NRARP: variants seen among roughly 807,000 people sequenced by gnomAD.
NRARP encodes NOTCH regulated ankyrin repeat protein, also known as notch-regulated ankyrin repeat-containing protein.
For missense variants in NRARP, 83 were observed against 161.1 expected (o/e 0.52, Z 2.62); for synonymous variants, 81 against 77.4 (o/e 1.05, Z -0.25).
Position 137,301,932 on chromosome 9 carries a change from G to A in NRARP, c.-4C>T. The A allele has an allele frequency of 7.5e-7, 1 of 1,340,266 alleles. No homozygotes were observed. 83.0% of individuals were successfully genotyped at this position (1,340,266 alleles called of 1,614,324 possible). On this transcript the variant is annotated 5_prime_UTR_variant, in exon 1 of 1. Transcript: ENST00000356628. The surrounding 1 kb of genome is among the most constrained non-coding windows in gnomAD (Gnocchi z 9.1). ...TGGACAGCTCGGCCTGGCTCATGCT[G>A]CCGCCGGGCGCGGGCCGCGGGCCGG...
chr9:137,301,604 A>T lies in NRARP; in HGVS notation c.325T>A (p.Tyr109Asn). Residue 109 changes from tyrosine (Y) to asparagine (N), a missense_variant, in exon 1 of 1, where the codon TAC becomes AAC. Tyr to Asn is a moderately radical substitution (Grantham distance 143, BLOSUM62 -2). Transcript: ENST00000356628. The surrounding 1 kb of genome is among the most constrained non-coding windows in gnomAD (Gnocchi z 9.1). ...IVLYLITKAK[Y>N]AASGR ...GGGCATCACCGGCCGCTGGCCGCGTACTTCGCCTTGGTGATGAGATAGAGC... is the reference window on the plus strand; with the variant it reads ...GGGCATCACCGGCCGCTGGCCGCGTTCTTCGCCTTGGTGATGAGATAGAGC... The T allele has an allele frequency of 6.3e-7, 1 of 1,585,886 alleles. No homozygotes were observed. Among genetic ancestry groups the T allele is most frequent in the Non-Finnish European group, 8.6e-7 (1 of 1,162,394 alleles).
rs867173923 is a variant in NRARP at position 137,301,206 on chromosome 9, G to T, written c.*378C>A. 6.6e-6 allele frequency: 1 copy of T among 152,022 alleles called. No individual in the cohort carries two copies. The highest frequency in any genetic ancestry group is 1.5e-5 in the Non-Finnish European group (1 of 67,960). The allele number at this position is 152,022 out of a possible 1,614,324, so 9.4% of individuals were successfully genotyped here. On this transcript the variant is annotated 3_prime_UTR_variant, in exon 1 of 1. Transcript: ENST00000356628. The surrounding 1 kb of genome is among the most constrained non-coding windows in gnomAD (Gnocchi z 9.1). ...TCCGAGTCCGCCTTCGGCTCCCGCC[G>T]CCCGCCTTTCACCTTCGGGAGAAAA...
rs1468100182 is a variant in NRARP at position 137,301,970 on chromosome 9, C to T, written c.-42G>A. On this transcript the variant is annotated 5_prime_UTR_variant, in exon 1 of 1. Coordinates refer to ENST00000356628, the MANE Select transcript of NRARP (RefSeq NM_001004354.3). This position sits in a 1 kb window ranked among gnomAD's most constrained non-coding sequence, Gnocchi z 9.1. ...GGCCGCGGGCCGGGCCGGGGCTCAGCGCGGGCGGCGGCTGCGGCGCGGGCC... is the reference window on the plus strand; with the variant it reads ...GGCCGCGGGCCGGGCCGGGGCTCAGTGCGGGCGGCGGCTGCGGCGCGGGCC... 6.2e-6 allele frequency: 6 copies of T among 967,704 alleles called. No homozygotes were observed. The highest frequency in any genetic ancestry group is 7.5e-6 in the Non-Finnish European group (6 of 802,264). 59.9% of individuals were successfully genotyped at this position (967,704 alleles called of 1,614,324 possible). A position where few individuals can be genotyped will look rare whatever the true frequency, so the allele number is the denominator to read the frequency against.
Position 137,299,641 on chromosome 9 carries a change from CTTT to C in NRARP, c.*1940_*1942del, listed in dbSNP as rs916237196. Among the ~76,000 whole-genome samples the C allele has an allele frequency of 9.9e-5, 15 of 152,042 alleles. No homozygotes were observed. Among genetic ancestry groups the C allele is most frequent in the Admixed American group, 4.6e-4 (7 of 15,250 alleles). ...GCCAAAGCCAAGAAGGACCAAGAAA[CTTT>C]TTTTTAATATAAAAAGATCAATGAA... is the stretch of plus-strand genomic sequence containing the variant. On this transcript the variant is annotated 3_prime_UTR_variant, in exon 1 of 1. Coordinates refer to ENST00000356628, the MANE Select transcript of NRARP (RefSeq NM_001004354.3).
rs1447658438 is a variant in NRARP at position 137,301,106 on chromosome 9, G to A, written c.*478C>T. 1 of 152,090 alleles carries A rather than the reference G, an allele frequency of 6.6e-6. No individual in the cohort carries two copies. The highest frequency in any genetic ancestry group is 2.4e-5 in the African/African-American group (1 of 41,442). The allele number at this position is 152,090 out of a possible 1,614,324, so 9.4% of individuals were successfully genotyped here. ...CAGCGGCGCGGACCTCGGACCTCGG[G>A]GCTGCTCCTCGGCTGCAGCCGGCAT... On this transcript the variant is annotated 3_prime_UTR_variant, in exon 1 of 1. Coordinates refer to ENST00000356628, the MANE Select transcript of NRARP (RefSeq NM_001004354.3). The surrounding 1 kb of genome is among the most constrained non-coding windows in gnomAD (Gnocchi z 9.1).
rs1352979848 is a variant in NRARP at position 137,300,499 on chromosome 9, TTC to T, written c.*1083_*1084del. ...GCTTAAAATATGTTAATATTTTATA[TTC>T]TGTCATAAATGTTATGACATTTAAT... On this transcript the variant is annotated 3_prime_UTR_variant, in exon 1 of 1. Coordinates refer to ENST00000356628, the MANE Select transcript of NRARP (RefSeq NM_001004354.3). 6.6e-6 allele frequency: 1 copy of T among 152,418 alleles called. No homozygotes were observed. The highest frequency in any genetic ancestry group is 1.9e-4 in the East Asian group (1 of 5,206). The allele number at this position is 152,418 out of a possible 1,614,324, so 9.4% of individuals were successfully genotyped here.
rs570006022 is a variant in NRARP at position 137,301,329 on chromosome 9, C to T, written c.*255G>A. 2 of 168,074 alleles carry T rather than the reference C, an allele frequency of 1.2e-5. No homozygotes were observed. The highest frequency in any genetic ancestry group is 2.5e-5 in the Non-Finnish European group (2 of 78,886). The allele number at this position is 168,074 out of a possible 1,614,324, so 10.4% of individuals were successfully genotyped here. ...CTGGAGCCCGCGCCCCGCCCCCACC[C>T]GCGAGGCGGCGGGCAGGCGAGCGGG... On this transcript the variant is annotated 3_prime_UTR_variant, in exon 1 of 1. Transcript: ENST00000356628. This position sits in a 1 kb window ranked among gnomAD's most constrained non-coding sequence, Gnocchi z 9.1.
Position 137,300,940 on chromosome 9 carries a change from C to G in NRARP, c.*644G>C, listed in dbSNP as rs920857299. On this transcript the variant is annotated 3_prime_UTR_variant, in exon 1 of 1. Transcript: ENST00000356628. Reference sequence around the variant, plus strand: ...ACTAGAAAAAAATGCATCACTCCCCCCCATAACCACATTGACCACGCAGTG... The same window carrying G: ...ACTAGAAAAAAATGCATCACTCCCCGCCATAACCACATTGACCACGCAGTG... 1 of 152,352 alleles carries G rather than the reference C, an allele frequency of 6.6e-6. No homozygotes were observed. Among genetic ancestry groups the G allele is most frequent in the Non-Finnish European group, 1.5e-5 (1 of 68,042 alleles). The allele number at this position is 152,352 out of a possible 1,614,324, so 9.4% of individuals were successfully genotyped here. A position where few individuals can be genotyped will look rare whatever the true frequency, so the allele number is the denominator to read the frequency against.
rs1277498953 is a variant in NRARP, at chr9:137,302,084, G to C, written c.-156C>G. ...GCCTCTGGGCGCTCCGGGCGCTCGG[G>C]GCCGGGGGTCGCCGCCGCGGGGACC... is the stretch of plus-strand genomic sequence containing the variant. On this transcript the variant is annotated 5_prime_UTR_variant, in exon 1 of 1. Coordinates refer to ENST00000356628, the MANE Select transcript of NRARP (RefSeq NM_001004354.3). The surrounding 1 kb of genome is among the most constrained non-coding windows in gnomAD (Gnocchi z 4.8). The C allele has an allele frequency of 6.2e-6, 1 of 161,138 alleles. No homozygotes were observed. The highest frequency in any genetic ancestry group is 1.3e-5 in the Non-Finnish European group (1 of 79,828). 10.0% of individuals were successfully genotyped at this position (161,138 alleles called of 1,614,324 possible).
chr9:137,299,881 T>C lies in NRARP; in HGVS notation c.*1703A>G, dbSNP rs1344318811. ...CAGAAGAACTCCTTGTGGAGTAATCTGTGCCTCCATTTCAATGTCTGCTTG... is the reference window on the plus strand; with the variant it reads ...CAGAAGAACTCCTTGTGGAGTAATCCGTGCCTCCATTTCAATGTCTGCTTG... On this transcript the variant is annotated 3_prime_UTR_variant, in exon 1 of 1. Coordinates refer to ENST00000356628, the MANE Select transcript of NRARP (RefSeq NM_001004354.3). 6.6e-6 allele frequency among the ~76,000 whole-genome samples: 1 copy of C among 152,228 alleles called. No individual in the cohort carries two copies. Among genetic ancestry groups the C allele is most frequent in the African/African-American group, 2.4e-5 (1 of 41,458 alleles).
Position 137,301,994 on chromosome 9 carries a change from C to A in NRARP, c.-66G>T, listed in dbSNP as rs1372589887. The A allele has an allele frequency of 4.2e-6, 3 of 719,012 alleles. No homozygotes were observed. The African/African-American group carries it at 5.8e-5, about 14-fold the overall frequency. 44.5% of individuals were successfully genotyped at this position (719,012 alleles called of 1,614,324 possible). A position where few individuals can be genotyped will look rare whatever the true frequency, so the allele number is the denominator to read the frequency against. ...GCGCGGGCGGCGGCTGCGGCGCGGG[C>A]CCCCGGCTGTCTCGGGGCGCGCCTC... On this transcript the variant is annotated 5_prime_UTR_variant, in exon 1 of 1. Coordinates refer to ENST00000356628, the MANE Select transcript of NRARP (RefSeq NM_001004354.3). The surrounding 1 kb of genome is among the most constrained non-coding windows in gnomAD (Gnocchi z 9.1).
In NRARP at chr9:137,301,508, G is replaced by T; in HGVS notation, c.*76C>A. ...CTGGCGGGGCCTGCGAGCCGGGCGC[G>T]CACCGAGGTAGTTGGCGGGAAGGTA... On this transcript the variant is annotated 3_prime_UTR_variant, in exon 1 of 1. Coordinates refer to ENST00000356628, the MANE Select transcript of NRARP (RefSeq NM_001004354.3). This position sits in a 1 kb window ranked among gnomAD's most constrained non-coding sequence, Gnocchi z 9.1. 9.9e-7 allele frequency: 1 copy of T among 1,007,556 alleles called. No homozygotes were observed. Among genetic ancestry groups the T allele is most frequent in the Non-Finnish European group, 1.4e-6 (1 of 723,618 alleles). 62.4% of individuals were successfully genotyped at this position (1,007,556 alleles called of 1,614,324 possible). A position where few individuals can be genotyped will look rare whatever the true frequency, so the allele number is the denominator to read the frequency against.
At position 137,300,134 on chromosome 9, in the gene NRARP, G is replaced by A. The variant is rs777495220; in HGVS notation, c.*1450C>T. Among the ~76,000 whole-genome samples, 17 of 152,124 alleles carry A rather than the reference G, an allele frequency of 1.1e-4. No homozygotes were observed. Among genetic ancestry groups the A allele is most frequent in the Non-Finnish European group, 2.1e-4 (14 of 68,022 alleles). On this transcript the variant is annotated 3_prime_UTR_variant, in exon 1 of 1. Transcript: ENST00000356628. ...TTTCTCAGGATCAAAACAACAAGGG[G>A]TGTGGGGCTGCATAGAAAATTGGAG... is the stretch of plus-strand genomic sequence containing the variant.
Position 137,301,780 on chromosome 9 carries a change from T to C in NRARP, c.149A>G (p.Glu50Gly). ...CGACTGGTGCAGCGCCGTCTGGCCC[T>C]CGGGCCCGAACGAGTTCACGTTGAA... The part of the protein sequence containing the change: ...CEFNVNSFGP[E>G]GQTALHQSVI... Residue 50 changes from glutamate (E) to glycine (G), a missense_variant, in exon 1 of 1, where the codon GAG (glutamate) becomes GGG (glycine). Transcript: ENST00000356628. This position sits in a 1 kb window ranked among gnomAD's most constrained non-coding sequence, Gnocchi z 9.1. 1 of 1,609,298 alleles carries C rather than the reference T, an allele frequency of 6.2e-7. No individual in the cohort carries two copies. The highest frequency in any genetic ancestry group is 8.5e-7 in the Non-Finnish European group (1 of 1,179,608).
In NRARP at chr9:137,299,960, C is replaced by G. The variant is rs116113799; in HGVS notation, c.*1624G>C. ...TCACACAAAGTTTTATAAAAAGCGA[C>G]GGAGGGCTGCCCGAATACGACCAGC... On this transcript the variant is annotated 3_prime_UTR_variant, in exon 1 of 1. Coordinates refer to ENST00000356628, the MANE Select transcript of NRARP (RefSeq NM_001004354.3). 0.011 allele frequency among the ~76,000 whole-genome samples: 1,746 copies of G among 152,260 alleles called. 39 individuals are homozygous for G. Among genetic ancestry groups the G allele is most frequent in the African/African-American group, 0.04 (1,645 of 41,514 alleles).
rs1195060282 is a variant in NRARP, at chr9:137,300,915, A to T, written c.*669T>A. ...GTAGACTCAAGTTTTTAGTTTTAAG[A>T]CTAGAAAAAAATGCATCACTCCCCC... On this transcript the variant is annotated 3_prime_UTR_variant, in exon 1 of 1. Transcript: ENST00000356628. 1 of 152,326 alleles carries T rather than the reference A, an allele frequency of 6.6e-6. No individual in the cohort carries two copies. Among genetic ancestry groups the T allele is most frequent in the Admixed American group, 6.5e-5 (1 of 15,268 alleles). 9.4% of individuals were successfully genotyped at this position (152,326 alleles called of 1,614,324 possible).
At position 137,300,959 on chromosome 9, in the gene NRARP, C is replaced by A. The variant is rs1479698612; in HGVS notation, c.*625G>T. 2 of 152,432 alleles carry A rather than the reference C, an allele frequency of 1.3e-5. No individual in the cohort carries two copies. Among genetic ancestry groups the A allele is most frequent in the East Asian group, 3.9e-4 (2 of 5,178 alleles). The allele number at this position is 152,432 out of a possible 1,614,324, so 9.4% of individuals were successfully genotyped here. On this transcript the variant is annotated 3_prime_UTR_variant, in exon 1 of 1. Transcript: ENST00000356628. ...CTCCCCCCCATAACCACATTGACCA[C>A]GCAGTGTTTTCCAAACAAAAAAACC...
In NRARP at chr9:137,301,479, C is replaced by T; in HGVS notation, c.*105G>A. Reference sequence around the variant, plus strand: ...GCGCCGTATTCGCCGTGGCCACGGGCCTTCTGGCGGGGCCTGCGAGCCGGG... The same window carrying T: ...GCGCCGTATTCGCCGTGGCCACGGGTCTTCTGGCGGGGCCTGCGAGCCGGG... On this transcript the variant is annotated 3_prime_UTR_variant, in exon 1 of 1. Coordinates refer to ENST00000356628, the MANE Select transcript of NRARP (RefSeq NM_001004354.3). The surrounding 1 kb of genome is among the most constrained non-coding windows in gnomAD (Gnocchi z 9.1). 1.3e-6 allele frequency: 1 copy of T among 741,106 alleles called. No homozygotes were observed. Among genetic ancestry groups the T allele is most frequent in the Non-Finnish European group, 2.0e-6 (1 of 495,076 alleles). 45.9% of individuals were successfully genotyped at this position (741,106 alleles called of 1,614,324 possible).
At position 137,301,428 on chromosome 9, in the gene NRARP, T is replaced by A; in HGVS notation, c.*156A>T. On this transcript the variant is annotated 3_prime_UTR_variant, in exon 1 of 1. Coordinates refer to ENST00000356628, the MANE Select transcript of NRARP (RefSeq NM_001004354.3). This position sits in a 1 kb window ranked among gnomAD's most constrained non-coding sequence, Gnocchi z 9.1. ...CAGGGAGGCGCTCGGCCGGCGGGGCTGCCGGACCCTGGGGCCGGGACGCAC... is the reference window on the plus strand; with the variant it reads ...CAGGGAGGCGCTCGGCCGGCGGGGCAGCCGGACCCTGGGGCCGGGACGCAC... 1 of 432,520 alleles carries A rather than the reference T, an allele frequency of 2.3e-6. No homozygotes were observed. 26.8% of individuals were successfully genotyped at this position (432,520 alleles called of 1,614,324 possible).
Sources: gnomAD v4.1 joint callset for allele counts (sites outside exome capture counted in the v4.1 genomes callset) on GRCh38, gnomAD v4.1.1 for gene constraint, Gnocchi (gnomAD v3.1) non-coding constraint, MANE v1.5 for transcripts, NCBI Gene and HGNC (gene_info 2026-07-23, HGNC 2026-07-21) for gene names.